The following DYNC1LI1 variants were observed in gnomAD, a reference collection of about 807,000 sequenced individuals.
The protein encoded by DYNC1LI1 is dynein cytoplasmic 1 light intermediate chain 1.
In DYNC1LI1, 19 loss-of-function variants were observed where a neutral mutation model predicts 63.8. That is an observed-to-expected ratio of 0.30 (90% CI 0.21 to 0.44). The LOEUF is 0.44. DYNC1LI1 is among the 20% of genes least tolerant of loss of function. DYNC1LI1 has a pLI of 1.00. For missense variants in DYNC1LI1, 565 were observed against 630.2 expected, an observed-to-expected ratio of 0.90 and a Z score of 1.11; for synonymous variants, 225 against 232.3, an observed-to-expected ratio of 0.97 and a Z score of 0.28.
intron 2 of DYNC1LI1, among the ~76,000 whole-genome samples, chr3:32,559,827 T>C (rs1559443953): frequency 6.6e-6 from 1 of 152,310 alleles, no homozygotes; most frequent in East Asian, 1.9e-4. Flanking sequence ...TAAATTATCC[T>C]ATTTTATCTG....
Position 32,541,168 on chromosome 3 carries a change from C to A in DYNC1LI1, c.607G>T (p.Asp203Tyr), listed in dbSNP as rs1299958532. ...DFQEYVEPGEDFPASPQRRNT... is the reference protein window; with the variant it reads ...DFQEYVEPGEYFPASPQRRNT... ...CTTCTCTGGGGAGAAGCCGGGAAGT[C>A]TTCTCCTGGCTCTACATATTCTTGG... Residue 203 changes from aspartate (D) to tyrosine (Y), a missense_variant, in exon 5 of 13, where the codon GAC (aspartate) becomes TAC (tyrosine). Asp to Tyr is a radical substitution (Grantham distance 160, BLOSUM62 -3). Coordinates refer to ENST00000273130, the MANE Select transcript of DYNC1LI1 (RefSeq NM_016141.4). 6.2e-7 allele frequency: 1 copy of A among 1,612,150 alleles called. No homozygotes were observed. The highest frequency in any genetic ancestry group is 1.3e-5 in the African/African-American group (1 of 74,868).
chr3:32,550,154 G>A (rs753342944), intron 2 of DYNC1LI1, among the ~76,000 whole-genome samples: 6 of 152,112 alleles, frequency 3.9e-5, no homozygotes, highest in South Asian at 2.1e-4. Flanking sequence ...ACTATTGGCC[G>A]GGCACAGTGG....
chr3:32,554,067 T>G (rs1393538261), intron 2 of DYNC1LI1, among the ~76,000 whole-genome samples: 1 of 152,204 alleles, frequency 6.6e-6, no homozygotes, highest in Non-Finnish European at 1.5e-5. Flanking sequence ...GTATTATGAC[T>G]CTCTGAAGAA....
At position 32,530,290 on chromosome 3, in the gene DYNC1LI1, C is replaced by T. The variant is rs1285130500; in HGVS notation, c.1179G>A (p.Arg393=). 1 of 1,608,168 alleles carries T rather than the reference C, an allele frequency of 6.2e-7. No individual in the cohort carries two copies. Among genetic ancestry groups the T allele is most frequent in the Admixed American group, 1.7e-5 (1 of 59,220 alleles). The change falls in exon 10 of 13, where the codon AGG becomes AGA. Residue 393 remains arginine (R), a synonymous_variant. Coordinates refer to ENST00000273130, the MANE Select transcript of DYNC1LI1 (RefSeq NM_016141.4). Reference sequence around the variant, plus strand: ...CAAAATTTGTAATACTGACCACAGGCCTTCCAGCTGCAGTTGGTGGTTGCT... The same window carrying T: ...CAAAATTTGTAATACTGACCACAGGTCTTCCAGCTGCAGTTGGTGGTTGCT... ...LAKQPPTAAG[R]PVDASPRVPG...
chr3:32,547,898 C>T (rs1697977180), intron 2 of DYNC1LI1, among the ~76,000 whole-genome samples: 2 of 152,032 alleles, frequency 1.3e-5, no homozygotes, highest in South Asian at 4.2e-4. Flanking sequence ...TAAGGAAAAT[C>T]TGGTACGTGT....
chr3:32,552,881 T>C (rs1377447756), intron 2 of DYNC1LI1, among the ~76,000 whole-genome samples: 1 of 152,080 alleles, frequency 6.6e-6, no homozygotes, highest in Admixed American at 6.5e-5. Context: ...AATTTTTTTA[T>C]TTTTAGTAGA....
At chr3:32,558,559 C>T (rs562356112) in intron 2 of DYNC1LI1, among the ~76,000 whole-genome samples, 1 of 151,992 alleles carries the variant, frequency 6.6e-6, no homozygotes, top group East Asian at 1.9e-4. Context: ...TAACAATTAA[C>T]AGGGGGCCGG....
intron 6 of DYNC1LI1, 45 bp from the exon 7 acceptor site, chr3:32,534,691 C>G (rs62252795): frequency 0.092 from 132,358 of 1,442,800 alleles, 6,538 homozygotes; most frequent in Middle Eastern, 0.15. Context: ...ATGTCATGAG[C>G]AAATACCATA....
At chr3:32,541,598 T>G (rs1008961336) in intron 4 of DYNC1LI1, among the ~76,000 whole-genome samples, 1 of 152,208 alleles carries the variant, frequency 6.6e-6, no homozygotes, top group Non-Finnish European at 1.5e-5. Context: ...CTAGATGATT[T>G]TCTAATACTA....
intron 7 of DYNC1LI1, 25 bp downstream of exon 7, chr3:32,534,486 A>G: frequency 6.7e-7 from 1 of 1,500,946 alleles, no homozygotes; most frequent in Non-Finnish European, 9.1e-7. Flanking sequence ...ACATGATAAA[A>G]TTATATATTT....
At chr3:32,534,424 G>A (rs1221735531) in intron 7 of DYNC1LI1, 87 bp downstream of exon 7, 2 of 959,248 alleles carry the variant, frequency 2.1e-6, no homozygotes, top group Non-Finnish European at 3.2e-6. Flanking sequence ...AAGGTCTATT[G>A]GTCCCATCTC....
At chr3:32,533,877 CTTTTTTTT>C (rs57075516) in intron 7 of DYNC1LI1, among the ~76,000 whole-genome samples, 1 of 130,478 alleles carries the variant, frequency 7.7e-6, no homozygotes. Context: ...AGGTAACTTT[CTTTTTTTT>C]TTTTTTTTTG....
In DYNC1LI1 at chr3:32,526,530, TAA is replaced by T. The variant is rs1223596078; in HGVS notation, c.*267_*268del. ...CGATCACATGGCTGTATTTCAGATC[TAA>T]AAGTTTTGAGATTTTCAAAATCAAA... On this transcript the variant is annotated 3_prime_UTR_variant, in exon 13 of 13. Transcript: ENST00000273130. 2.7e-5 allele frequency: 7 copies of T among 262,244 alleles called. No individual in the cohort carries two copies. Among genetic ancestry groups the T allele is most frequent in the South Asian group, 9.2e-5 (1 of 10,920 alleles). 16.2% of individuals were successfully genotyped at this position (262,244 alleles called of 1,614,324 possible).
At chr3:32,537,965 TATATATATTTATATATAATA>T (rs1360634872) in intron 5 of DYNC1LI1, among the ~76,000 whole-genome samples, 23 of 2,656 alleles carry the variant, frequency 8.7e-3, no homozygotes, top group East Asian at 0.05. Flanking sequence ...ATATATAATA[TATATATATTTATATATAATA>T]TATATATATA....
intron 2 of DYNC1LI1, among the ~76,000 whole-genome samples, chr3:32,555,090 G>A (rs749243300): frequency 2.6e-5 from 4 of 151,914 alleles, no homozygotes; most frequent in Non-Finnish European, 4.4e-5. Context: ...GGCTAGTCTC[G>A]AACTCCTGGC....
intron 2 of DYNC1LI1, among the ~76,000 whole-genome samples, chr3:32,546,732 G>A (rs1014892607): frequency 5.3e-5 from 8 of 152,136 alleles, no homozygotes; most frequent in African/African-American, 1.7e-4. Context: ...TCAGTTCCCT[G>A]TACATCAGGA....
At chr3:32,564,601 T>G (rs993032890) in intron 2 of DYNC1LI1, among the ~76,000 whole-genome samples, 8 of 152,216 alleles carry the variant, frequency 5.3e-5, no homozygotes, top group Non-Finnish European at 1.0e-4. Flanking sequence ...GCCATCTTAC[T>G]CTCAAAACAC....
chr3:32,532,830 T>C (rs1347098798), intron 8 of DYNC1LI1, 156 bp downstream of exon 8: 8 of 1,270,858 alleles, frequency 6.3e-6, no homozygotes, highest in African/African-American at 4.7e-5. Context: ...CAAATCCTTA[T>C]GTAAACTGTA....
intron 4 of DYNC1LI1, among the ~76,000 whole-genome samples, chr3:32,542,934 G>T (rs895452708): frequency 2.0e-5 from 3 of 152,158 alleles, no homozygotes; most frequent in Non-Finnish European, 4.4e-5. Flanking sequence ...AGCAGCCCTG[G>T]TGACTACCAC....
Sources: gnomAD v4.1 joint callset for allele counts (sites outside exome capture counted in the v4.1 genomes callset) on GRCh38, gnomAD v4.1.1 for gene constraint, MANE v1.5 for transcripts, NCBI Gene and HGNC (gene_info 2026-07-23, HGNC 2026-07-21) for gene names.